The following GLRA2 variants were observed in gnomAD, a reference collection of about 807,000 sequenced individuals.
GLRA2 encodes the protein glycine receptor subunit alpha-2.
GLRA2 carries 11 observed loss-of-function variants against 31.6 expected under a neutral mutation model. That is an observed-to-expected ratio of 0.35 (90% CI 0.22 to 0.58). GLRA2 has a LOEUF of 0.58. Among genes scored for constraint, GLRA2 ranks in the 20% least tolerant of loss-of-function variants. The probability of loss-of-function intolerance (pLI) is 0.84; values close to 1 mark genes in which losing one functional copy is unlikely to be tolerated. For synonymous variants in GLRA2, 132 were observed against 134.0 expected (o/e 0.99, Z 0.10); for missense variants, 212 against 351.8 (o/e 0.60, Z 3.18).
At chrX:14,603,938 A>C (rs980465714) in intron 4 of GLRA2, among the ~76,000 whole-genome samples, 1 of 111,254 alleles carries the variant, frequency 9.0e-6, no homozygotes, top group Non-Finnish European at 1.9e-5. Context: ...TAATTCTAAA[A>C]TAGTATAAAC....
intron 7 of GLRA2, among the ~76,000 whole-genome samples, chrX:14,659,954 A>G (rs1253203790): frequency 8.9e-6 from 1 of 112,177 alleles, no homozygotes. Context: ...TAACAAGTTC[A>G]TCAAGAAATG....
At chrX:14,616,290 A>G (rs2090453382) in intron 7 of GLRA2, among the ~76,000 whole-genome samples, 1 of 112,034 alleles carries the variant, frequency 8.9e-6, no homozygotes, top group African/African-American at 3.2e-5. Flanking sequence ...CCCAGAGACT[A>G]TAGAAGTGAA....
chrX:14,451,479 A>T, the GLRA2 span, among the ~76,000 whole-genome samples: 1 of 109,036 alleles, frequency 9.2e-6, no homozygotes, highest in South Asian at 4.1e-4. Flanking sequence ...AAATACAAAA[A>T]ATTAGCCAAG....
chrX:14,717,205 C>G (rs966713739), intron 8 of GLRA2, among the ~76,000 whole-genome samples: 6 of 110,211 alleles, frequency 5.4e-5, no homozygotes, highest in Non-Finnish European at 7.6e-5. Flanking sequence ...ACTGGGGGCA[C>G]CCTCCAAGTG....
the GLRA2 span, among the ~76,000 whole-genome samples, chrX:14,476,139 G>A: frequency 9.0e-6 from 1 of 111,674 alleles, no homozygotes; most frequent in Admixed American, 9.5e-5. Context: ...CTTCTCCAAG[G>A]ACCACGCTTA....
chrX:14,554,818 G>A (rs2089619306), intron 2 of GLRA2, among the ~76,000 whole-genome samples: 1 of 111,596 alleles, frequency 9.0e-6, no homozygotes, highest in Admixed American at 9.5e-5. Flanking sequence ...CACAGTGGGG[G>A]AAGGAAGTCA....
intron 8 of GLRA2, among the ~76,000 whole-genome samples, chrX:14,706,957 G>A (rs59420164): frequency 0.027 from 3,000 of 111,595 alleles, 100 homozygotes; most frequent in African/African-American, 0.092. Context: ...GACCTGAGAC[G>A]CCTTAATTCA....
the GLRA2 span, among the ~76,000 whole-genome samples, chrX:14,517,697 T>C: frequency 9.0e-6 from 1 of 111,217 alleles, no homozygotes; most frequent in Non-Finnish European, 1.9e-5. Context: ...CCAAACCATA[T>C]CAAAGATCAT....
chrX:14,489,912 T>C, the GLRA2 span, among the ~76,000 whole-genome samples: 126 of 105,913 alleles, frequency 1.2e-3, no homozygotes, highest in African/African-American at 4.2e-3. Flanking sequence ...ATTTTTTTTC[T>C]TTTTTTTTTG....
intron 8 of GLRA2, among the ~76,000 whole-genome samples, chrX:14,697,102 A>AAT (rs137930005): frequency 6.7e-4 from 74 of 110,946 alleles, no homozygotes; most frequent in Non-Finnish European, 1.3e-3. Flanking sequence ...AAAAAAAAAA[A>AAT]TGATAACAAG....
chrX:14,562,854 G>A (rs1339512685), intron 2 of GLRA2, among the ~76,000 whole-genome samples: 1 of 111,442 alleles, frequency 9.0e-6, no homozygotes, highest in Non-Finnish European at 1.9e-5. Context: ...GGTACTGAGG[G>A]TTAAGGCATA....
rs1403537117 is a variant in GLRA2, at chrX:14,529,795, C to T, written c.-263C>T. 2 of 388,696 alleles carry T rather than the reference C, an allele frequency of 5.1e-6. No individual in the cohort carries two copies. Among genetic ancestry groups the T allele is most frequent in the Non-Finnish European group, 8.9e-6 (2 of 225,729 alleles). 32.0% of individuals were successfully genotyped at this position (388,696 alleles called of 1,213,427 possible). ...CAGCATTTTTATTATTCAGGAAAAG[C>T]AGCTGGGGGATTCATCAGTTCTGAG... On this transcript the variant is annotated 5_prime_UTR_variant, in exon 1 of 9. Transcript: ENST00000218075.
chrX:14,681,878 C>T (rs1287787076), intron 7 of GLRA2, among the ~76,000 whole-genome samples: 5 of 36,415 alleles, frequency 1.4e-4, no homozygotes, highest in Non-Finnish European at 2.4e-4. Flanking sequence ...GGCAACAGTG[C>T]GAGACACCAT....
the GLRA2 span, among the ~76,000 whole-genome samples, chrX:14,482,013 A>G: frequency 8.9e-6 from 1 of 112,088 alleles, no homozygotes; most frequent in African/African-American, 3.2e-5. Context: ...AAGTAGGGCT[A>G]ACCACTTGGT....
the GLRA2 span, among the ~76,000 whole-genome samples, chrX:14,514,055 A>G: frequency 8.9e-6 from 1 of 112,339 alleles, no homozygotes; most frequent in East Asian, 2.8e-4. Context: ...ATTGTGGTAT[A>G]TATATACACC....
intron 8 of GLRA2, among the ~76,000 whole-genome samples, chrX:14,695,314 A>G (rs1266659557): frequency 8.9e-6 from 1 of 111,873 alleles, no homozygotes; most frequent in East Asian, 2.8e-4. Flanking sequence ...ATGGTATGGA[A>G]TAAAATGTGT....
intron 4 of GLRA2, among the ~76,000 whole-genome samples, chrX:14,601,003 T>TG (rs1206458614): frequency 1.6e-5 from 1 of 63,577 alleles, no homozygotes; most frequent in African/African-American, 6.0e-5. Context: ...TTGTTGTTGT[T>TG]TTTTTTTTTG....
intron 7 of GLRA2, among the ~76,000 whole-genome samples, chrX:14,625,126 T>C (rs1301351698): frequency 9.0e-6 from 1 of 111,553 alleles, no homozygotes; most frequent in Non-Finnish European, 1.9e-5. Context: ...TCTTTTAATA[T>C]TTGTTGGTTG....
At chrX:14,547,788 A>G (rs2089501662) in intron 2 of GLRA2, among the ~76,000 whole-genome samples, 2 of 111,424 alleles carry the variant, frequency 1.8e-5, no homozygotes, top group Non-Finnish European at 3.8e-5. Flanking sequence ...CTCTTAAACT[A>G]CAAATCCCAA....
Sources: allele counts gnomAD v4.1 joint callset (sites outside exome capture counted in the v4.1 genomes callset), GRCh38; gene constraint gnomAD v4.1.1; transcripts MANE v1.5; gene names NCBI Gene and HGNC (gene_info 2026-07-23, HGNC 2026-07-21).